Variants in PRKD3 observed in about 807,000 individuals in gnomAD.
PRKD3 encodes serine/threonine-protein kinase D3.
In PRKD3, 47 loss-of-function variants were observed where a neutral mutation model predicts 99.2. The ratio of observed to expected loss-of-function variants is 0.47; its 90% confidence interval spans 0.38 to 0.60. PRKD3 has a LOEUF of 0.60. PRKD3 is among the 20% of genes least tolerant of loss of function. The pLI, the probability that PRKD3 is intolerant of heterozygous loss-of-function variation, is 0.00. For missense variants in PRKD3, 1,019 were observed against 1,088.4 expected, an observed-to-expected ratio of 0.94 and a Z score of 0.90; for synonymous variants, 392 against 355.4, an observed-to-expected ratio of 1.10 and a Z score of -1.16.
intron 17 of PRKD3, among the ~76,000 whole-genome samples, chr2:37,255,312 AAAC>A (rs142205797): frequency 0.58 from 87,221 of 151,586 alleles, 25,410 homozygotes; most frequent in African/African-American, 0.66. Context: ...ACTTTTGGAA[AAAC>A]AAAAAAGATC....
At chr2:37,254,150 C>G (rs1449564679) in intron 18 of PRKD3, 54 bp downstream of exon 18, 1 of 1,330,118 alleles carries the variant, frequency 7.5e-7, no homozygotes, top group Non-Finnish European at 1.1e-6. Context: ...TGGGACAAAT[C>G]AGAGTGAACT....
intron 11 of PRKD3, among the ~76,000 whole-genome samples, chr2:37,272,741 G>A (rs1311711275): frequency 6.6e-6 from 1 of 152,164 alleles, no homozygotes; most frequent in Non-Finnish European, 1.5e-5. Context: ...TAATCCCAGT[G>A]CATTAGGACG....
intron 15 of PRKD3, 145 bp from the exon 16 acceptor site, chr2:37,259,826 C>A (rs950416236): frequency 1.6e-6 from 1 of 607,346 alleles, no homozygotes; most frequent in East Asian, 2.8e-5. Context: ...TTAAGGTTAA[C>A]AATTCCCACA....
At chr2:37,283,595 G>C (rs1669953827) in intron 6 of PRKD3, among the ~76,000 whole-genome samples, 1 of 152,134 alleles carries the variant, frequency 6.6e-6, no homozygotes, top group Non-Finnish European at 1.5e-5. Flanking sequence ...AAATTCATGT[G>C]ATATTAATAT....
Position 37,256,895 on chromosome 2 carries a change from A to G in PRKD3, c.2180T>C (p.Ile727Thr). Reference protein sequence around the residue: ...KLCDFGFARIIGEKSFRRSVV... With the variant: ...KLCDFGFARITGEKSFRRSVV... Reference sequence around the variant, plus strand: ...AGATCTCCTGAATGACTTTTCACCAATGATGCGTGCAAATCCAAAGTCACA... The same window carrying G: ...AGATCTCCTGAATGACTTTTCACCAGTGATGCGTGCAAATCCAAAGTCACA... The change falls in exon 17 of 19, where the codon ATT (isoleucine) becomes ACT (threonine). Residue 727 changes from isoleucine (I) to threonine (T), a missense_variant. Physicochemically the swap from Ile to Thr is moderately conservative, Grantham distance 89 (BLOSUM62 -1). Transcript: ENST00000234179. 1 of 1,614,072 alleles carries G rather than the reference A, an allele frequency of 6.2e-7. No homozygotes were observed. Among genetic ancestry groups the G allele is most frequent in the Non-Finnish European group, 8.5e-7 (1 of 1,179,996 alleles).
intron 7 of PRKD3, chr2:37,282,168 G>A (rs1669883832): frequency 6.2e-6 from 1 of 162,430 alleles, no homozygotes; most frequent in Admixed American, 6.1e-5. Flanking sequence ...AGGTTGAAAT[G>A]TCAATATATT....
intron 16 of PRKD3, among the ~76,000 whole-genome samples, 164 bp from the exon 17 acceptor site, chr2:37,257,093 A>G (rs1012228089): frequency 1.1e-4 from 16 of 152,330 alleles, no homozygotes; most frequent in African/African-American, 3.8e-4. Context: ...TTTTCTCAAA[A>G]GGCAGACACA....
In PRKD3 at chr2:37,274,716, C is replaced by T; in HGVS notation, c.1375-19G>A. On this transcript the variant is annotated intron_variant, in intron 10 of 18. Transcript: ENST00000234179. ...GAATTTCCTGAAGTAAAAAATTAAG[C>T]ATTGAAAAATAAGAATAGATCTTTG... 2 of 1,600,240 alleles carry T rather than the reference C, an allele frequency of 1.2e-6. No individual in the cohort carries two copies. Among genetic ancestry groups the T allele is most frequent in the Non-Finnish European group, 1.7e-6 (2 of 1,170,110 alleles).
At chr2:37,264,910 G>C (rs755904335) in intron 14 of PRKD3, among the ~76,000 whole-genome samples, 9 of 152,218 alleles carry the variant, frequency 5.9e-5, no homozygotes, top group Non-Finnish European at 1.2e-4. Context: ...TCAAGAGATT[G>C]GATACTCCGG....
chr2:37,282,685 T>C, intron 6 of PRKD3, 66 bp from the exon 7 acceptor site: 2 of 1,069,426 alleles, frequency 1.9e-6, no homozygotes, highest in South Asian at 1.3e-5. Context: ...ATGGTTAGAC[T>C]TTCTTTAAAT....
At chr2:37,295,195 C>G (rs1670622308) in intron 2 of PRKD3, among the ~76,000 whole-genome samples, 1 of 152,028 alleles carries the variant, frequency 6.6e-6, no homozygotes, top group African/African-American at 2.4e-5. Context: ...TTTGTAAAGA[C>G]AGAATAGTCC....
intron 10 of PRKD3, 27 bp downstream of exon 10, chr2:37,275,740 A>G (rs927530655): frequency 1.3e-6 from 2 of 1,575,112 alleles, no homozygotes; most frequent in South Asian, 1.2e-5. Context: ...CTTAATGCTT[A>G]TATTTTTTAA....
chr2:37,293,095 G>C, intron 3 of PRKD3, 38 bp downstream of exon 3: 1 of 1,510,032 alleles, frequency 6.6e-7, no homozygotes. Flanking sequence ...GGCTCTTTGA[G>C]GGGAAAAGGC....
chr2:37,316,360 G>A lies in PRKD3; in HGVS notation c.165C>T (p.Gly55=). 1 of 1,614,236 alleles carries A rather than the reference G, an allele frequency of 6.2e-7. No individual in the cohort carries two copies. Among genetic ancestry groups the A allele is most frequent in the East Asian group, 2.2e-5 (1 of 44,888 alleles). ...FSAPSLTNSR[G]SVHTVSFLLQ... ...GTAGAAATGAAACTGTATGCACTGA[G>A]CCTCTGGAGTTGGTGAGTGATGGTG... The change falls in exon 2 of 19, where the codon GGC becomes GGT. Residue 55 remains glycine (G), a synonymous_variant. Transcript: ENST00000234179.
intron 2 of PRKD3, among the ~76,000 whole-genome samples, chr2:37,297,094 A>C (rs1670708714): frequency 6.6e-6 from 1 of 152,042 alleles, no homozygotes; most frequent in African/African-American, 2.4e-5. Context: ...ACAAGGATTT[A>C]CTGTTCCTGA....
chr2:37,324,344 G>T, intron 1 of PRKD3: 1 of 457,244 alleles, frequency 2.2e-6, no homozygotes, highest in Non-Finnish European at 2.9e-6. Flanking sequence ...GGGCGCGGTG[G>T]TCTCCAGCGG....
intron 5 of PRKD3, among the ~76,000 whole-genome samples, chr2:37,286,664 C>A (rs777495499): frequency 2.0e-5 from 3 of 152,176 alleles, no homozygotes; most frequent in Non-Finnish European, 4.4e-5. Context: ...ATCAAATACA[C>A]AAACTTTAAA....
intron 5 of PRKD3, 103 bp from the exon 6 acceptor site, chr2:37,286,472 A>C: frequency 1.1e-6 from 1 of 941,042 alleles, no homozygotes; most frequent in Non-Finnish European, 1.5e-6. Flanking sequence ...ACTAAAGCCA[A>C]AAAACTCTAA....
In PRKD3 at chr2:37,282,525, A is replaced by T. The variant is rs1244123361; in HGVS notation, c.988+17T>A. 6.7e-7 allele frequency: 1 copy of T among 1,502,414 alleles called. No homozygotes were observed. The highest frequency in any genetic ancestry group is 2.3e-5 in the East Asian group (1 of 44,274). 93.1% of individuals were successfully genotyped at this position (1,502,414 alleles called of 1,614,324 possible). On this transcript the variant is annotated intron_variant, in intron 7 of 18. Coordinates refer to ENST00000234179, the MANE Select transcript of PRKD3 (RefSeq NM_005813.6). Reference sequence around the variant, plus strand: ...CCTTTTCTGATCTTTCACAAAAATTAAGAAAAATAATTTTACCTCCATTGA... The same window carrying T: ...CCTTTTCTGATCTTTCACAAAAATTTAGAAAAATAATTTTACCTCCATTGA...
Sources: allele counts gnomAD v4.1 joint callset (sites outside exome capture counted in the v4.1 genomes callset), GRCh38; gene constraint gnomAD v4.1.1; transcripts MANE v1.5; gene names NCBI Gene and HGNC (gene_info 2026-07-23, HGNC 2026-07-21).